ANK3: variants seen among roughly 807,000 people sequenced by gnomAD.
ANK3 encodes ankyrin 3.
Under a neutral mutation model 370.9 loss-of-function variants are expected in ANK3, and 57 were observed. That is an observed-to-expected ratio of 0.15 (90% CI 0.12 to 0.19). The LOEUF is 0.19. Among genes scored for constraint, ANK3 ranks in the 10% least tolerant of loss-of-function variants. The probability of loss-of-function intolerance (pLI) is 1.00; values close to 1 mark genes in which losing one functional copy is unlikely to be tolerated. For synonymous variants in ANK3, 1,929 were observed against 1,946.3 expected, an observed-to-expected ratio of 0.99 and a Z score of 0.23; for missense variants, 4,439 against 5,302.1, an observed-to-expected ratio of 0.84 and a Z score of 5.06.
chr10:60,558,460 G>C, intron 2 of ANK3, among the ~76,000 whole-genome samples: 1 of 152,104 alleles, frequency 6.6e-6, no homozygotes, highest in Non-Finnish European at 1.5e-5. Context: ...ATTCCTTGCA[G>C]CACACTACCT....
intron 28 of ANK3, among the ~76,000 whole-genome samples, chr10:60,094,485 C>T (rs995636390): frequency 3.3e-5 from 5 of 152,012 alleles, no homozygotes; most frequent in African/African-American, 9.7e-5. Context: ...GTGAAAACCA[C>T]GCCCAGCCTC....
intron 1 of ANK3, among the ~76,000 whole-genome samples, chr10:60,686,595 AAATATT>A (rs1204506848): frequency 6.6e-6 from 1 of 152,148 alleles, no homozygotes; most frequent in East Asian, 1.9e-4. Flanking sequence ...AGTTTTTTAT[AAATATT>A]AACTCATTTA....
intron 43 of ANK3, among the ~76,000 whole-genome samples, chr10:60,031,525 C>T (rs1213154683): frequency 1.3e-5 from 2 of 152,194 alleles, no homozygotes; most frequent in African/African-American, 4.8e-5. Context: ...TGCATGCCTA[C>T]CTGCCTGAGA....
chr10:60,141,578 T>TTG (rs1565275170), intron 23 of ANK3, among the ~76,000 whole-genome samples: 4 of 147,006 alleles, frequency 2.7e-5, no homozygotes, highest in Non-Finnish European at 5.9e-5. Flanking sequence ...TTTTTTTTTT[T>TTG]TTTTTTTTGC....
intron 2 of ANK3, among the ~76,000 whole-genome samples, chr10:60,535,648 T>A (rs1464410307): frequency 6.6e-6 from 1 of 152,106 alleles, no homozygotes; most frequent in Non-Finnish European, 1.5e-5. Flanking sequence ...TCTGTCCACA[T>A]CATGCATTCT....
intron 1 of ANK3, among the ~76,000 whole-genome samples, chr10:60,681,658 T>A (rs1319713073): frequency 6.6e-6 from 1 of 152,200 alleles, no homozygotes; most frequent in Admixed American, 6.5e-5. Flanking sequence ...AGTATAGGTA[T>A]CTCCAGTAAA....
intron 9 of ANK3, among the ~76,000 whole-genome samples, chr10:60,212,464 AG>A (rs2096872213): frequency 6.6e-6 from 1 of 152,156 alleles, no homozygotes; most frequent in African/African-American, 2.4e-5. Flanking sequence ...TAAAAGGAAA[AG>A]AACAAATAGA....
chr10:60,119,395 G>T (rs1398410272), intron 25 of ANK3, among the ~76,000 whole-genome samples: 2 of 152,206 alleles, frequency 1.3e-5, no homozygotes, highest in Admixed American at 6.5e-5. Flanking sequence ...GTTCTGACAT[G>T]TTACTGTGCA....
At chr10:60,622,388 G>C (rs1352631821) in intron 1 of ANK3, among the ~76,000 whole-genome samples, 1 of 151,966 alleles carries the variant, frequency 6.6e-6, no homozygotes, top group Non-Finnish European at 1.5e-5. Context: ...GAGATTACAG[G>C]CATACCACCA....
chr10:60,590,599 A>T (rs1567167915), intron 2 of ANK3, among the ~76,000 whole-genome samples: 1 of 152,240 alleles, frequency 6.6e-6, no homozygotes, highest in Admixed American at 6.5e-5. Context: ...ATATATCTGC[A>T]GTAACATCAT....
chr10:60,091,780 G>A (rs1398312500), intron 28 of ANK3, among the ~76,000 whole-genome samples: 1 of 151,456 alleles, frequency 6.6e-6, no homozygotes, highest in Non-Finnish European at 1.5e-5. Flanking sequence ...CGCTAGGCTG[G>A]AGTGCAGTGG....
chr10:60,622,412 A>T (rs10821802), intron 1 of ANK3, among the ~76,000 whole-genome samples: 63,251 of 151,686 alleles, frequency 0.42, 13,490 homozygotes, highest in African/African-American at 0.5. Flanking sequence ...CCAGCTAGTT[A>T]TTGTATTTTT....
intron 1 of ANK3, among the ~76,000 whole-genome samples, chr10:60,639,490 T>C (rs2078600261): frequency 6.6e-6 from 1 of 151,418 alleles, no homozygotes; most frequent in Non-Finnish European, 1.5e-5. Context: ...ATATTTTAAG[T>C]TACTTTTTAA....
intron 2 of ANK3, among the ~76,000 whole-genome samples, chr10:60,468,744 T>C (rs1347580720): frequency 1.3e-5 from 2 of 151,786 alleles, no homozygotes; most frequent in East Asian, 1.9e-4. Flanking sequence ...GATGATGGAA[T>C]GAAAGAACTT....
chr10:60,268,420 C>A (rs1311584529), intron 5 of ANK3, among the ~76,000 whole-genome samples: 1 of 152,136 alleles, frequency 6.6e-6, no homozygotes, highest in African/African-American at 2.4e-5. Context: ...AGCCTTGCCT[C>A]GTTTTTAACA....
At chr10:60,710,927 GTTCTATTC>G (rs1363205092) in intron 1 of ANK3, among the ~76,000 whole-genome samples, 1 of 152,188 alleles carries the variant, frequency 6.6e-6, no homozygotes, top group Non-Finnish European at 1.5e-5. Flanking sequence ...CTGCCTTTTT[GTTCTATTC>G]AACCCTTCAA....
At chr10:60,244,922 C>A (rs2097529808) in intron 7 of ANK3, among the ~76,000 whole-genome samples, 1 of 152,186 alleles carries the variant, frequency 6.6e-6, no homozygotes, top group Non-Finnish European at 1.5e-5. Flanking sequence ...GTAATCCCAG[C>A]ACTTTGGGAG....
intron 25 of ANK3, among the ~76,000 whole-genome samples, chr10:60,129,709 C>T (rs997266554): frequency 1.3e-5 from 2 of 151,876 alleles, no homozygotes; most frequent in Admixed American, 6.6e-5. Flanking sequence ...GCTGAGATCA[C>T]GACACTGCAC....
intron 11 of ANK3, among the ~76,000 whole-genome samples, chr10:60,203,498 A>G (rs2096716269): frequency 6.6e-6 from 1 of 152,180 alleles, no homozygotes; most frequent in Non-Finnish European, 1.5e-5. Flanking sequence ...TAAAAAGTCA[A>G]CTTTTATTTC....
Sources: allele counts gnomAD v4.1 joint callset (sites outside exome capture counted in the v4.1 genomes callset), GRCh38; gene constraint gnomAD v4.1.1; transcripts MANE v1.5; gene names NCBI Gene and HGNC (gene_info 2026-07-23, HGNC 2026-07-21).